BMP8B: variants seen among roughly 807,000 people sequenced by gnomAD.
BMP8B encodes the protein bone morphogenetic protein 8 (osteogenic protein 2).
A neutral mutation model predicts 30.3 loss-of-function variants in BMP8B; 17 were observed. The observed-to-expected ratio is 0.56, with a 90% confidence interval of 0.38 to 0.84. The LOEUF (loss-of-function observed/expected upper bound fraction) is 0.84, where lower values mean the gene tolerates loss of function less well. Among genes scored for constraint, BMP8B ranks in the 40% least tolerant of loss-of-function variants. The pLI, the probability that BMP8B is intolerant of heterozygous loss-of-function variation, is 0.00. For missense variants in BMP8B, 253 were observed against 494.6 expected (o/e 0.51, Z 4.63); for synonymous variants, 131 against 214.7 (o/e 0.61, Z 3.41).
chr1:39,785,685 C>T (rs1650929739), intron 1 of BMP8B, among the ~76,000 whole-genome samples: 1 of 152,170 alleles, frequency 6.6e-6, no homozygotes, highest in South Asian at 2.1e-4. Flanking sequence ...TATTAGATCC[C>T]GTGGTGGCCT....
rs117002695 is a variant in BMP8B at position 39,788,684 on chromosome 1, T to C, written c.-199A>G. 8,332 of 314,462 alleles carry C rather than the reference T, an allele frequency of 0.026. 181 individuals are homozygous for C. Among genetic ancestry groups the C allele is most frequent in the East Asian group, 0.13 (734 of 5,758 alleles). The allele number at this position is 314,462 out of a possible 1,614,324, so 19.5% of individuals were successfully genotyped here. A position where few individuals can be genotyped will look rare whatever the true frequency, so the allele number is the denominator to read the frequency against. ...GCCGCGCGACACCTGTCCTGGCTCC[T>C]GGACGAGAGGACGCGGACGCCACCG... On this transcript the variant is annotated 5_prime_UTR_variant, in exon 1 of 7. Transcript: ENST00000372827. This position sits in a 1 kb window ranked among gnomAD's most constrained non-coding sequence, Gnocchi z 5.8.
chr1:39,767,096 T>TCTCCTC (rs1411351622), intron 3 of BMP8B, among the ~76,000 whole-genome samples: 35 of 151,706 alleles, frequency 2.3e-4, no homozygotes, highest in South Asian at 1.3e-3. Flanking sequence ...TTATGGGGGG[T>TCTCCTC]CTCCCAGACA....
intron 1 of BMP8B, among the ~76,000 whole-genome samples, chr1:39,782,706 G>A (rs1332893687): frequency 6.6e-6 from 1 of 152,026 alleles, no homozygotes; most frequent in African/African-American, 2.4e-5. Context: ...GACCTCAGGT[G>A]ATCCGCCCCC....
Position 39,788,078 on chromosome 1 carries a change from A to T in BMP8B, c.334+74T>A. ...ACTCCCCGTTCGGCCAGGGCCCGGC[A>T]CAGCCCGCGGATGCGCGCCCCTCCC... On this transcript the variant is annotated intron_variant, in intron 1 of 6. Transcript: ENST00000372827. The surrounding 1 kb of genome is among the most constrained non-coding windows in gnomAD (Gnocchi z 5.8). 7.1e-7 allele frequency: 1 copy of T among 1,407,692 alleles called. No homozygotes were observed. Among genetic ancestry groups the T allele is most frequent in the Non-Finnish European group, 9.2e-7 (1 of 1,086,926 alleles). 87.2% of individuals were successfully genotyped at this position (1,407,692 alleles called of 1,614,324 possible).
At chr1:39,769,870 G>A (rs771765137) in intron 3 of BMP8B, 5 of 1,611,026 alleles carry the variant, frequency 3.1e-6, no homozygotes, top group Non-Finnish European at 3.4e-6. Flanking sequence ...TGCGGTCCAC[G>A]CACCGCTTCC....
chr1:39,771,359 TC>T, intron 3 of BMP8B: 2 of 787,614 alleles, frequency 2.5e-6, no homozygotes, highest in South Asian at 2.3e-5. Flanking sequence ...ACGCACTCCC[TC>T]CCAGCAGGTC....
At chr1:39,779,584 G>A (rs1650480729) in intron 1 of BMP8B, among the ~76,000 whole-genome samples, 1 of 152,234 alleles carries the variant, frequency 6.6e-6, no homozygotes, top group Admixed American at 6.5e-5. Context: ...CACATACAGG[G>A]CTTTGGAAGA....
rs1277216752 is a variant in BMP8B at position 39,763,929 on chromosome 1, G to A, written c.869-138C>T. 3.6e-6 allele frequency: 4 copies of A among 1,126,090 alleles called. No homozygotes were observed. In the Admixed American group the frequency reaches 1.0e-4, roughly 28 times the overall value. The allele number at this position is 1,126,090 out of a possible 1,614,324, so 69.8% of individuals were successfully genotyped here. On this transcript the variant is annotated intron_variant, in intron 4 of 6. Transcript: ENST00000372827. Reference sequence around the variant, plus strand: ...ACAGGAAACCATTTGGTCTCATAAAGCCCATCCCTGGAACTCTGCTTGTAC... The same window carrying A: ...ACAGGAAACCATTTGGTCTCATAAAACCCATCCCTGGAACTCTGCTTGTAC...
In BMP8B at chr1:39,761,827, C is replaced by T. The variant is rs553722514; in HGVS notation, c.1060-1259G>A. Among the ~76,000 whole-genome samples, 26 of 152,358 alleles carry T rather than the reference C, an allele frequency of 1.7e-4. 1 individual carries two copies. In the East Asian group the frequency reaches 5.0e-3, roughly 29 times the overall value. ...CTCTTCCTCACAGGAGGCGTCACCT[C>T]CACGGTTGTTTTGCTTTGGACAAAC... On this transcript the variant is annotated intron_variant, in intron 6 of 6. Transcript: ENST00000372827.
At chr1:39,761,531 G>A (rs1433849111) in intron 6 of BMP8B, among the ~76,000 whole-genome samples, 2 of 151,948 alleles carry the variant, frequency 1.3e-5, no homozygotes, top group African/African-American at 4.8e-5. Flanking sequence ...AGCCTCTTGG[G>A]TTACTTGGAA....
chr1:39,787,805 C>T (rs1569875240), intron 1 of BMP8B, among the ~76,000 whole-genome samples: 1 of 152,192 alleles, frequency 6.6e-6, no homozygotes, highest in African/African-American at 2.4e-5. Flanking sequence ...GACAGCATCC[C>T]GGCCTCTGTT....
At chr1:39,781,909 C>T (rs549830442) in intron 1 of BMP8B, among the ~76,000 whole-genome samples, 28 of 152,284 alleles carry the variant, frequency 1.8e-4, no homozygotes, top group African/African-American at 6.7e-4. Flanking sequence ...GTAATCCCAG[C>T]ACTTTGGGAG....
intron 1 of BMP8B, among the ~76,000 whole-genome samples, chr1:39,776,578 C>T (rs141903368): frequency 1.3e-3 from 203 of 152,104 alleles, no homozygotes; most frequent in African/African-American, 4.5e-3. Flanking sequence ...AACAGCTGTG[C>T]GGGGCAGGGG....
chr1:39,785,975 C>T (rs1650956043), intron 1 of BMP8B, among the ~76,000 whole-genome samples: 4 of 152,192 alleles, frequency 2.6e-5, no homozygotes, highest in South Asian at 4.1e-4. Flanking sequence ...TTGTTAATCT[C>T]GCAGCGCTGG....
At position 39,758,645 on chromosome 1, in the gene BMP8B, G is replaced by A. The variant is rs1372310868; in HGVS notation, c.*1774C>T. 1 of 152,290 alleles carries A rather than the reference G, an allele frequency of 6.6e-6. No individual in the cohort carries two copies. Among genetic ancestry groups the A allele is most frequent in the African/African-American group, 2.4e-5 (1 of 41,448 alleles). 9.4% of individuals were successfully genotyped at this position (152,290 alleles called of 1,614,324 possible). On this transcript the variant is annotated 3_prime_UTR_variant, in exon 7 of 7. Transcript: ENST00000372827. ...TGGTAGACAGATTCTTTGGCTGAAG[G>A]TTGTTTGGAGATCAAAAAGTGCAGA...
chr1:39,761,306 C>G (rs1326050263), intron 6 of BMP8B: 1 of 152,800 alleles, frequency 6.5e-6, no homozygotes, highest in African/African-American at 2.4e-5. Context: ...GGGAGCAGCC[C>G]CTGGCTCAAC....
At chr1:39,775,140 G>C in intron 1 of BMP8B, 102 bp from the exon 2 acceptor site, 2 of 1,546,930 alleles carry the variant, frequency 1.3e-6, no homozygotes, top group Non-Finnish European at 1.8e-6. Flanking sequence ...ACCACTCAAG[G>C]TGGAGCGGAC....
In BMP8B at chr1:39,788,116, T is replaced by G. The variant is rs1569876710; in HGVS notation, c.334+36A>C. On this transcript the variant is annotated intron_variant, in intron 1 of 6. Coordinates refer to ENST00000372827, the MANE Select transcript of BMP8B (RefSeq NM_001720.5). The surrounding 1 kb of genome is among the most constrained non-coding windows in gnomAD (Gnocchi z 5.8). ...GCGCGCCCCTCCCCTGCAGCCAGCT[T>G]ACTCCGAGGGTCCCCGCGCGGGCGG... The G allele has an allele frequency of 6.6e-7, 1 of 1,525,374 alleles. No homozygotes were observed. The highest frequency in any genetic ancestry group is 8.7e-7 in the Non-Finnish European group (1 of 1,148,710). 94.5% of individuals were successfully genotyped at this position (1,525,374 alleles called of 1,614,324 possible). A position where few individuals can be genotyped will look rare whatever the true frequency, so the allele number is the denominator to read the frequency against.
At chr1:39,762,812 C>T (rs369199056) in intron 6 of BMP8B, among the ~76,000 whole-genome samples, 4 of 152,344 alleles carry the variant, frequency 2.6e-5, no homozygotes, top group African/African-American at 4.8e-5. Context: ...CACACAGGTG[C>T]GTAAGTGTCC....
Sources: gnomAD v4.1 joint callset for allele counts (sites outside exome capture counted in the v4.1 genomes callset) on GRCh38, gnomAD v4.1.1 for gene constraint, Gnocchi (gnomAD v3.1) non-coding constraint, MANE v1.5 for transcripts, NCBI Gene and HGNC (gene_info 2026-07-23, HGNC 2026-07-21) for gene names.